CLDN10: variants seen among roughly 807,000 people sequenced by gnomAD.
CLDN10 encodes the protein claudin 10, also known as claudin-10.
Under a neutral mutation model 22.9 loss-of-function variants are expected in CLDN10, and 15 were observed. That is an observed-to-expected ratio of 0.65 (90% CI 0.44 to 1.01). The LOEUF (loss-of-function observed/expected upper bound fraction) is 1.01, where lower values mean the gene tolerates loss of function less well. Ranked by LOEUF, CLDN10 falls within the 50% of genes least tolerant of loss-of-function variation. The pLI is 0.00. For missense variants in CLDN10, 247 were observed against 287.8 expected, an observed-to-expected ratio of 0.86 and a Z score of 1.03; for synonymous variants, 114 against 111.4, an observed-to-expected ratio of 1.02 and a Z score of -0.15.
At position 95,494,416 on chromosome 13, in the gene CLDN10, C is replaced by T. The variant is rs560630710; in HGVS notation, c.214+60369C>T. Among the ~76,000 whole-genome samples, 8 of 152,234 alleles carry T rather than the reference C, an allele frequency of 5.3e-5. No homozygotes were observed. The East Asian group carries it at 9.6e-4, about 18-fold the overall frequency. On this transcript the variant is annotated intron_variant, in intron 1 of 4. Coordinates refer to the CLDN10 transcript ENST00000376873. Reference sequence around the variant, plus strand: ...AATAGCCTGTTTGCTCTATGTAACACGCATAAAACCTGAATACATCCCAAT... The same window carrying T: ...AATAGCCTGTTTGCTCTATGTAACATGCATAAAACCTGAATACATCCCAAT...
chr13:95,495,225 C>T (rs1327871364), intron 1 of CLDN10, among the ~76,000 whole-genome samples: 3 of 151,398 alleles, frequency 2.0e-5, no homozygotes, highest in East Asian at 2.0e-4. Flanking sequence ...TTTGTAGTGA[C>T]GGGGTTTCAT....
rs1158239748 is a variant in CLDN10, at chr13:95,579,310, A to T, written c.*1296A>T. 1.3e-5 allele frequency: 2 copies of T among 152,214 alleles called. No individual in the cohort carries two copies. The highest frequency in any genetic ancestry group is 4.8e-5 in the African/African-American group (2 of 41,452). The allele number at this position is 152,214 out of a possible 1,614,324, so 9.4% of individuals were successfully genotyped here. A position where few individuals can be genotyped will look rare whatever the true frequency, so the allele number is the denominator to read the frequency against. ...AGTTGCTCCAGGGATTTCTGAAAAAAGACACAGGCTTCTTCCTAGAGCCAG... is the reference window on the plus strand; with the variant it reads ...AGTTGCTCCAGGGATTTCTGAAAAATGACACAGGCTTCTTCCTAGAGCCAG... On this transcript the variant is annotated 3_prime_UTR_variant, in exon 5 of 5. Transcript: ENST00000299339.
intron 1 of CLDN10, among the ~76,000 whole-genome samples, chr13:95,436,730 A>G (rs1194142016): frequency 1.3e-5 from 2 of 152,216 alleles, no homozygotes; most frequent in Non-Finnish European, 2.9e-5. Context: ...CATATTTCCA[A>G]AGAAAACGGG....
In CLDN10 at chr13:95,514,428, T is replaced by C. The variant is rs897642283; in HGVS notation, c.215-45704T>C. Reference sequence around the variant, plus strand: ...CCACCCTCAGGAGCCAGTTGCTAAATGTTTACCAGCAAACAACCAATAATG... The same window carrying C: ...CCACCCTCAGGAGCCAGTTGCTAAACGTTTACCAGCAAACAACCAATAATG... On this transcript the variant is annotated intron_variant, in intron 1 of 4. Coordinates refer to the CLDN10 transcript ENST00000376873. Among the ~76,000 whole-genome samples, 16 of 102,384 alleles carry C rather than the reference T, an allele frequency of 1.6e-4. 1 individual carries two copies. The highest frequency in any genetic ancestry group is 5.4e-4 in the African/African-American group (14 of 25,930). 67.2% of individuals were successfully genotyped at this position (102,384 alleles called of 152,430 possible). A position where few individuals can be genotyped will look rare whatever the true frequency, so the allele number is the denominator to read the frequency against.
At chr13:95,491,636 A>G (rs769395721) in intron 1 of CLDN10, among the ~76,000 whole-genome samples, 1 of 151,986 alleles carries the variant, frequency 6.6e-6, no homozygotes, top group Non-Finnish European at 1.5e-5. Flanking sequence ...GATTAGCTTA[A>G]TAACTAACCT....
At chr13:95,486,742 C>A (rs991884648) in intron 1 of CLDN10, among the ~76,000 whole-genome samples, 2 of 152,102 alleles carry the variant, frequency 1.3e-5, no homozygotes, top group African/African-American at 2.4e-5. Context: ...TCCATCCTGG[C>A]CATATGATTC....
chr13:95,441,673 C>T lies in CLDN10; in HGVS notation c.214+7626C>T, dbSNP rs372313940. The stretch of plus-strand genomic sequence containing the variant: ...GCTTGAAATGCAGAATCTCAGGCCC[C>T]ACTACAGACCTATTGAATCAGAATC... On this transcript the variant is annotated intron_variant, in intron 1 of 4. Coordinates refer to the CLDN10 transcript ENST00000376873. 2.4e-4 allele frequency among the ~76,000 whole-genome samples: 37 copies of T among 152,330 alleles called. No homozygotes were observed. In the South Asian group the frequency reaches 7.0e-3, roughly 29 times the overall value.
At chr13:95,453,642 C>A (rs879477637) in intron 1 of CLDN10, among the ~76,000 whole-genome samples, 1 of 151,892 alleles carries the variant, frequency 6.6e-6, no homozygotes, top group African/African-American at 2.4e-5. Flanking sequence ...TAAGATTGCA[C>A]CACTGCACTT....
intron 1 of CLDN10, among the ~76,000 whole-genome samples, chr13:95,488,365 T>G (rs2042829083): frequency 6.6e-6 from 1 of 151,636 alleles, no homozygotes; most frequent in Non-Finnish European, 1.5e-5. Context: ...TTAACAATTT[T>G]TTAACAATTT....
chr13:95,524,092 G>C (rs1345843152), intron 1 of CLDN10, among the ~76,000 whole-genome samples: 1 of 135,134 alleles, frequency 7.4e-6, no homozygotes, highest in Non-Finnish European at 1.6e-5. Context: ...TACTTTGACT[G>C]GCTTTTTTTT....
At chr13:95,461,595 G>A (rs1481148191) in intron 1 of CLDN10, among the ~76,000 whole-genome samples, 2 of 152,032 alleles carry the variant, frequency 1.3e-5, no homozygotes, top group East Asian at 1.9e-4. Flanking sequence ...TCCTGACCTC[G>A]TCATGATTTG....
intron 1 of CLDN10, among the ~76,000 whole-genome samples, chr13:95,522,581 C>A (rs1053062015): frequency 7.9e-5 from 12 of 151,938 alleles, no homozygotes; most frequent in Non-Finnish European, 1.3e-4. Context: ...GTATAGCCAT[C>A]CAGAAGGTAG....
At chr13:95,464,838 C>T (rs1045108638) in intron 1 of CLDN10, among the ~76,000 whole-genome samples, 5 of 152,066 alleles carry the variant, frequency 3.3e-5, no homozygotes, top group Admixed American at 6.5e-5. Flanking sequence ...CTCAAGTGAT[C>T]CTCCCGCCTC....
At position 95,464,249 on chromosome 13, in the gene CLDN10, C is replaced by CTAAT. The variant is rs2042563439; in HGVS notation, c.214+30202_214+30203insTAAT. ...GTTTATCTCCTAATGCTATCCCTCC[C>CTAAT]GCCTTCCCCCACCCCACAACAGGCC... On this transcript the variant is annotated intron_variant, in intron 1 of 4. Transcript: ENST00000376873. Among the ~76,000 whole-genome samples, 19 of 152,184 alleles carry CTAAT rather than the reference C, an allele frequency of 1.2e-4. No homozygotes were observed. In the South Asian group the frequency reaches 3.9e-3, roughly 32 times the overall value.
Position 95,480,218 on chromosome 13 carries a change from G to A in CLDN10, c.214+46171G>A, listed in dbSNP as rs1010780544. On this transcript the variant is annotated intron_variant, in intron 1 of 4. Coordinates refer to the CLDN10 transcript ENST00000376873. ...CCCATGATTCAATTACCTCCCACCG[G>A]GTCCCTCCCACGACACATGGGAATT... Among the ~76,000 whole-genome samples, 43 of 152,132 alleles carry A rather than the reference G, an allele frequency of 2.8e-4. 1 individual carries two copies. Among genetic ancestry groups the A allele is most frequent in the African/African-American group, 1.0e-3 (42 of 41,438 alleles).
intron 1 of CLDN10, among the ~76,000 whole-genome samples, chr13:95,538,948 C>T (rs201497219): frequency 2.0e-5 from 3 of 152,030 alleles, no homozygotes; most frequent in South Asian, 2.1e-4. Flanking sequence ...GGCACAATCT[C>T]GGCTCACTGC....
intron 1 of CLDN10, chr13:95,479,605 G>C (rs895197983): frequency 4.6e-5 from 7 of 152,136 alleles, no homozygotes; most frequent in Non-Finnish European, 1.0e-4. Context: ...TTAAAATTAT[G>C]AGGGAGAAAG....
intron 1 of CLDN10, among the ~76,000 whole-genome samples, chr13:95,438,796 T>C (rs910697251): frequency 9.9e-5 from 15 of 151,944 alleles, no homozygotes; most frequent in African/African-American, 3.1e-4. Flanking sequence ...CTGACCAACT[T>C]GGCGAAATCC....
chr13:95,514,716 T>A (rs1023249816), intron 1 of CLDN10, among the ~76,000 whole-genome samples: 1 of 152,090 alleles, frequency 6.6e-6, no homozygotes, highest in Non-Finnish European at 1.5e-5. Flanking sequence ...GTCAAGGTCA[T>A]GCATTTAGGT....
Sources: gnomAD v4.1 joint callset for allele counts (sites outside exome capture counted in the v4.1 genomes callset) on GRCh38, gnomAD v4.1.1 for gene constraint, MANE v1.5 for transcripts, NCBI Gene and HGNC (gene_info 2026-07-23, HGNC 2026-07-21) for gene names.